SCAPER: variants seen among roughly 807,000 people sequenced by gnomAD.
The protein encoded by SCAPER is S phase cyclin A-associated protein in the endoplasmic reticulum.
A neutral mutation model predicts 182.2 loss-of-function variants in SCAPER; 98 were observed. The ratio of observed to expected loss-of-function variants is 0.54; its 90% CI spans 0.46 to 0.64. SCAPER has a LOEUF of 0.64. Among genes scored for constraint, SCAPER ranks in the 30% least tolerant of loss-of-function variants. The probability of loss-of-function intolerance (pLI) is 0.00; values close to 1 mark genes in which losing one functional copy is unlikely to be tolerated. For synonymous variants in SCAPER, 605 were observed against 564.6 expected, an observed-to-expected ratio of 1.07 and a Z score of -1.01; for missense variants, 1,432 against 1,690.0, an observed-to-expected ratio of 0.85 and a Z score of 2.68.
intron 2 of SCAPER, among the ~76,000 whole-genome samples, chr15:76,878,067 A>G (rs557605635): frequency 2.0e-5 from 3 of 152,218 alleles, no homozygotes; most frequent in African/African-American, 4.8e-5. Flanking sequence ...GTGCAGGTAG[A>G]TATGTGTATA....
chr15:76,859,742 GT>G (rs546267856), intron 3 of SCAPER, among the ~76,000 whole-genome samples: 7 of 151,682 alleles, frequency 4.6e-5, no homozygotes, highest in African/African-American at 1.7e-4. Flanking sequence ...GTTTTGTTTT[GT>G]TTTTTTGAGA....
At chr15:76,745,309 C>T (rs185605238) in intron 15 of SCAPER, among the ~76,000 whole-genome samples, 7 of 152,104 alleles carry the variant, frequency 4.6e-5, no homozygotes, top group Admixed American at 2.0e-4. Flanking sequence ...ATTAGCCAGG[C>T]GTGGTGGCGT....
In SCAPER at chr15:76,897,579, C is replaced by T. The variant is rs138605253; in HGVS notation, c.-60+7720G>A. Among the ~76,000 whole-genome samples the T allele has an allele frequency of 3.3e-3, 509 of 152,188 alleles. 5 individuals are homozygous for T. Among genetic ancestry groups the T allele is most frequent in the African/African-American group, 0.011 (471 of 41,518 alleles). On this transcript the variant is annotated intron_variant, in intron 1 of 31. Coordinates refer to ENST00000563290, the MANE Select transcript of SCAPER (RefSeq NM_020843.4). Reference sequence around the variant, plus strand: ...AAACTTAGCTGGGTGTGGTGGTATGCACCTGAAGTCCCAGGTACTCAGAAG... The same window carrying T: ...AAACTTAGCTGGGTGTGGTGGTATGTACCTGAAGTCCCAGGTACTCAGAAG...
intron 26 of SCAPER, among the ~76,000 whole-genome samples, chr15:76,425,097 T>C (rs2046330120): frequency 1.3e-5 from 2 of 152,180 alleles, no homozygotes; most frequent in Non-Finnish European, 1.5e-5. Context: ...TTATGTGTCT[T>C]GGAGTTGCTC....
chr15:76,833,155 C>T (rs2068649250), intron 5 of SCAPER, among the ~76,000 whole-genome samples: 1 of 152,150 alleles, frequency 6.6e-6, no homozygotes. Context: ...CAAAGGGAAA[C>T]TCATCAGGCT....
chr15:76,780,886 C>G (rs1048067434), intron 8 of SCAPER, among the ~76,000 whole-genome samples: 3 of 152,108 alleles, frequency 2.0e-5, no homozygotes, highest in African/African-American at 7.2e-5. Context: ...TGTAGGTCAC[C>G]AACATCAAGG....
intron 21 of SCAPER, among the ~76,000 whole-genome samples, chr15:76,639,886 T>C (rs564199465): frequency 1.3e-5 from 2 of 152,272 alleles, no homozygotes; most frequent in East Asian, 3.9e-4. Flanking sequence ...CCTGTGTTAA[T>C]TGTTACTTGT....
At chr15:76,707,039 T>C (rs183008426) in intron 17 of SCAPER, among the ~76,000 whole-genome samples, 1 of 152,224 alleles carries the variant, frequency 6.6e-6, no homozygotes, top group Admixed American at 6.5e-5. Flanking sequence ...CATAGAACTT[T>C]GGTACAAAGT....
rs554165409 is a variant in SCAPER at position 76,379,456 on chromosome 15, T to TG, written c.3705+1921_3705+1922insC. Among the ~76,000 whole-genome samples the TG allele has an allele frequency of 2.6e-3, 384 of 149,532 alleles. 3 individuals carry two copies. Among genetic ancestry groups the TG allele is most frequent in the Non-Finnish European group, 4.0e-3 (267 of 67,290 alleles). ...GAGAATAATTGTTTTTTATTTATTT[T>TG]TTATTTATTTTGTTATTTCATTTCT... On this transcript the variant is annotated intron_variant, in intron 28 of 31. Coordinates refer to ENST00000563290, the MANE Select transcript of SCAPER (RefSeq NM_020843.4).
chr15:76,880,614 A>G (rs564489034), intron 2 of SCAPER, among the ~76,000 whole-genome samples: 3 of 152,258 alleles, frequency 2.0e-5, no homozygotes, highest in Non-Finnish European at 4.4e-5. Flanking sequence ...AAACTTTACT[A>G]TATCTTACCT....
chr15:76,854,067 G>A (rs1033842355), intron 4 of SCAPER, among the ~76,000 whole-genome samples: 3 of 151,878 alleles, frequency 2.0e-5, no homozygotes, highest in East Asian at 1.9e-4. Context: ...TCAGCAGATC[G>A]AGACCACCCT....
chr15:76,629,882 T>C (rs1158122152), intron 21 of SCAPER, among the ~76,000 whole-genome samples: 1 of 152,214 alleles, frequency 6.6e-6, no homozygotes, highest in Non-Finnish European at 1.5e-5. Context: ...TAAATCCATC[T>C]GGTCTTGGGC....
chr15:76,748,343 A>G (rs1251755296), intron 15 of SCAPER, among the ~76,000 whole-genome samples: 1 of 152,136 alleles, frequency 6.6e-6, no homozygotes, highest in African/African-American at 2.4e-5. Flanking sequence ...ACCACAGATC[A>G]TACACAAAAA....
intron 23 of SCAPER, among the ~76,000 whole-genome samples, chr15:76,563,224 A>G (rs1028045067): frequency 6.6e-6 from 1 of 152,192 alleles, no homozygotes; most frequent in African/African-American, 2.4e-5. Context: ...TTTTGCCTTC[A>G]TAGTTTTCAT....
At chr15:76,553,095 C>T (rs2045914273) in intron 23 of SCAPER, among the ~76,000 whole-genome samples, 1 of 152,230 alleles carries the variant, frequency 6.6e-6, no homozygotes, top group Non-Finnish European at 1.5e-5. Flanking sequence ...CAGCACCCCC[C>T]ACCCCCTACT....
At chr15:76,816,122 T>G (rs2067057354) in intron 5 of SCAPER, among the ~76,000 whole-genome samples, 1 of 152,164 alleles carries the variant, frequency 6.6e-6, no homozygotes, top group Non-Finnish European at 1.5e-5. Flanking sequence ...AGGACATTAG[T>G]GTATGCTGCT....
At chr15:76,816,818 A>G (rs2067124586) in intron 5 of SCAPER, among the ~76,000 whole-genome samples, 1 of 151,986 alleles carries the variant, frequency 6.6e-6, no homozygotes, top group Non-Finnish European at 1.5e-5. Flanking sequence ...ATGCCCAGCT[A>G]ATTTTTTTTG....
intron 22 of SCAPER, among the ~76,000 whole-genome samples, chr15:76,584,855 A>C (rs1227161172): frequency 6.6e-6 from 1 of 152,144 alleles, no homozygotes; most frequent in Non-Finnish European, 1.5e-5. Context: ...GTCCAGCCTC[A>C]ATTTAAATAA....
At chr15:76,537,811 C>T (rs911562754) in intron 23 of SCAPER, among the ~76,000 whole-genome samples, 5 of 152,094 alleles carry the variant, frequency 3.3e-5, no homozygotes, top group Non-Finnish European at 4.4e-5. Flanking sequence ...ATTTTTGCAA[C>T]CTACTCATCT....
Sources: gnomAD v4.1 joint callset for allele counts (sites outside exome capture counted in the v4.1 genomes callset) on GRCh38, gnomAD v4.1.1 for gene constraint, MANE v1.5 for transcripts, NCBI Gene and HGNC (gene_info 2026-07-23, HGNC 2026-07-21) for gene names.